NUBPL: variants seen among roughly 807,000 people sequenced by gnomAD.
NUBPL encodes the protein iron-sulfur cluster transfer protein NUBPL.
In NUBPL, 31 loss-of-function variants were observed where a neutral mutation model predicts 45.7. That is an observed-to-expected ratio of 0.68 (90% CI 0.51 to 0.92). The LOEUF is 0.92. Ranked by LOEUF, NUBPL falls within the 40% of genes least tolerant of loss-of-function variation. The probability of loss-of-function intolerance (pLI) is 0.00; values close to 1 mark genes in which losing one functional copy is unlikely to be tolerated. For synonymous variants in NUBPL, 144 were observed against 140.9 expected (o/e 1.02, Z -0.15); for missense variants, 401 against 398.7 (o/e 1.01, Z -0.05).
At chr14:31,844,809 G>A (rs991742437) in intron 8 of NUBPL, 1 of 152,088 alleles carries the variant, frequency 6.6e-6, no homozygotes, top group Non-Finnish European at 1.5e-5. Context: ...CATTTTTATT[G>A]TAATCTCTAA....
At chr14:31,626,331 G>A (rs567017826) in intron 4 of NUBPL, among the ~76,000 whole-genome samples, 6 of 151,878 alleles carry the variant, frequency 4.0e-5, no homozygotes, top group Admixed American at 1.3e-4. Flanking sequence ...TAGTAGAGAC[G>A]GGTTCACCAT....
chr14:31,664,077 A>G (rs1355227100), intron 4 of NUBPL, among the ~76,000 whole-genome samples: 1 of 152,178 alleles, frequency 6.6e-6, no homozygotes, highest in Admixed American at 6.5e-5. Flanking sequence ...TGATTTTTGC[A>G]CATTAATTTT....
At chr14:31,632,308 C>T (rs909521209) in intron 4 of NUBPL, among the ~76,000 whole-genome samples, 3 of 152,140 alleles carry the variant, frequency 2.0e-5, no homozygotes, top group African/African-American at 7.2e-5. Context: ...TGTCTGCCTT[C>T]GGAGGAACAA....
In NUBPL at chr14:31,672,295, G is replaced by A. The variant is rs867388774; in HGVS notation, c.383-1060G>A. ...GATATGTGTGTGTGTGTGTGTGTGT[G>A]TGTGTGTGTGTGCATGCAAATATAC... On this transcript the variant is annotated intron_variant, in intron 4 of 10. Transcript: ENST00000281081. Among the ~76,000 whole-genome samples, 319 of 152,040 alleles carry A rather than the reference G, an allele frequency of 2.1e-3. 1 individual carries two copies. Among genetic ancestry groups the A allele is most frequent in the African/African-American group, 7.3e-3 (304 of 41,474 alleles).
At position 31,561,517 on chromosome 14, in the gene NUBPL, G is replaced by T; in HGVS notation, c.78G>T (p.Gly26=). The part of the protein sequence containing the change: ...RAGGGATAPL[G]GSRAMVCGRQ... ...GTGGCGGGGCCACTGCCCCGCTTGGGGGAAGCCGAGCGATGGTTTGTGGGC... is the reference window on the plus strand; with the variant it reads ...GTGGCGGGGCCACTGCCCCGCTTGGTGGAAGCCGAGCGATGGTTTGTGGGC... The change falls in exon 1 of 11, where the codon GGG becomes GGT. Residue 26 remains glycine (G), a synonymous_variant. Transcript: ENST00000281081. 7.2e-7 allele frequency: 1 copy of T among 1,382,556 alleles called. No homozygotes were observed. Among genetic ancestry groups the T allele is most frequent in the East Asian group, 2.8e-5 (1 of 36,352 alleles). 85.6% of individuals were successfully genotyped at this position (1,382,556 alleles called of 1,614,324 possible).
intron 6 of NUBPL, among the ~76,000 whole-genome samples, chr14:31,743,933 T>G (rs1263895089): frequency 6.6e-6 from 1 of 152,232 alleles, no homozygotes; most frequent in Non-Finnish European, 1.5e-5. Context: ...GCTCTTGCTA[T>G]GTCTCTTGCT....
intron 7 of NUBPL, among the ~76,000 whole-genome samples, chr14:31,798,771 G>GAC (rs1170947785): frequency 9.6e-6 from 1 of 104,240 alleles, no homozygotes; most frequent in Non-Finnish European, 1.7e-5. Context: ...CAGCCTGGGT[G>GAC]ACAGAGCAAG....
At chr14:31,694,595 A>G (rs1006315572) in intron 6 of NUBPL, among the ~76,000 whole-genome samples, 1 of 152,152 alleles carries the variant, frequency 6.6e-6, no homozygotes, top group Admixed American at 6.5e-5. Context: ...AGCTCACTGC[A>G]ACCTCCGCCT....
At chr14:31,859,042 C>G (rs1370330048) in intron 10 of NUBPL, 76 bp from the exon 11 acceptor site, 2 of 1,288,656 alleles carry the variant, frequency 1.6e-6, no homozygotes, top group Non-Finnish European at 2.2e-6. Context: ...CAGTGGGCCT[C>G]TATAACAAAC....
At chr14:31,628,934 T>C (rs2035275787) in intron 4 of NUBPL, among the ~76,000 whole-genome samples, 1 of 152,202 alleles carries the variant, frequency 6.6e-6, no homozygotes, top group South Asian at 2.1e-4. Context: ...TGACTATAAG[T>C]ACAGTTTGGT....
chr14:31,830,540 C>T (rs2040172843), intron 8 of NUBPL, among the ~76,000 whole-genome samples: 1 of 152,154 alleles, frequency 6.6e-6, no homozygotes, highest in Non-Finnish European at 1.5e-5. Context: ...TCATTTTTAA[C>T]ATCTCTGCTC....
intron 6 of NUBPL, among the ~76,000 whole-genome samples, chr14:31,675,936 A>G (rs1162095989): frequency 6.6e-6 from 1 of 152,054 alleles, no homozygotes; most frequent in Non-Finnish European, 1.5e-5. Flanking sequence ...GTTTCATCCC[A>G]TACCCATAGA....
chr14:31,791,133 C>G (rs2039374531), intron 7 of NUBPL, among the ~76,000 whole-genome samples: 1 of 151,940 alleles, frequency 6.6e-6, no homozygotes, highest in Non-Finnish European at 1.5e-5. Flanking sequence ...AAAAAGTTAG[C>G]TGGGAGTGGT....
chr14:31,626,628 C>T (rs1228855105), intron 4 of NUBPL, among the ~76,000 whole-genome samples: 1 of 152,148 alleles, frequency 6.6e-6, no homozygotes, highest in African/African-American at 2.4e-5. Flanking sequence ...GGCTTTTTCT[C>T]TTGCCACTTC....
chr14:31,584,913 C>T (rs987221097), intron 3 of NUBPL, among the ~76,000 whole-genome samples: 4 of 152,120 alleles, frequency 2.6e-5, no homozygotes, highest in African/African-American at 9.7e-5. Flanking sequence ...TTTGGGGTCT[C>T]TTTTATAATG....
At chr14:31,841,022 G>A (rs1242595962) in intron 8 of NUBPL, among the ~76,000 whole-genome samples, 2 of 152,174 alleles carry the variant, frequency 1.3e-5, no homozygotes. Flanking sequence ...GCTGATAGTT[G>A]CCATCGTTCT....
chr14:31,757,273 A>G lies in NUBPL; in HGVS notation c.514-30507A>G, dbSNP rs537056451. ...GTTGATTGGAATAGTTTCAGAAGGA[A>G]TGGTACCAGTTCCTTCTTGTACCTC... On this transcript the variant is annotated intron_variant, in intron 6 of 10. Coordinates refer to ENST00000281081, the MANE Select transcript of NUBPL (RefSeq NM_025152.3). Among the ~76,000 whole-genome samples the G allele has an allele frequency of 9.4e-5, 14 of 148,510 alleles. No individual in the cohort carries two copies. The South Asian group carries it at 1.1e-3, about 12-fold the overall frequency.
chr14:31,645,108 C>G (rs1422267758), intron 4 of NUBPL, among the ~76,000 whole-genome samples: 1 of 149,464 alleles, frequency 6.7e-6, no homozygotes. Flanking sequence ...CTTTGTCGCC[C>G]AGGCTGGAGT....
intron 7 of NUBPL, among the ~76,000 whole-genome samples, chr14:31,808,830 C>T (rs534840385): frequency 5.9e-5 from 9 of 152,136 alleles, no homozygotes; most frequent in East Asian, 5.8e-4. Context: ...GCATGAAGGG[C>T]TGTTGAATTT....
Sources: gnomAD v4.1 joint callset for allele counts (sites outside exome capture counted in the v4.1 genomes callset) on GRCh38, gnomAD v4.1.1 for gene constraint, MANE v1.5 for transcripts, NCBI Gene and HGNC (gene_info 2026-07-23, HGNC 2026-07-21) for gene names.